SENP2: variants seen among roughly 807,000 people sequenced by gnomAD.
SENP2 encodes SUMO specific peptidase 2.
Under a neutral mutation model 86.3 loss-of-function variants are expected in SENP2, and 16 were observed. The observed-to-expected ratio is 0.19, with a 90% confidence interval of 0.13 to 0.28. SENP2 has a LOEUF of 0.28. SENP2 is among the 10% of genes least tolerant of loss of function. The probability of loss-of-function intolerance (pLI) is 1.00; values close to 1 mark genes in which losing one functional copy is unlikely to be tolerated. For missense variants in SENP2, 552 were observed against 703.0 expected, an observed-to-expected ratio of 0.79 and a Z score of 2.43; for synonymous variants, 222 against 238.7, an observed-to-expected ratio of 0.93 and a Z score of 0.64.
rs398052522 is a variant in SENP2 at position 185,587,570 on chromosome 3, A to ATT, written c.101+1069_101+1070dup. Among the ~76,000 whole-genome samples, 62 of 118,830 alleles carry ATT rather than the reference A, an allele frequency of 5.2e-4. 3 individuals are homozygous for ATT. The highest frequency in any genetic ancestry group is 1.8e-3 in the African/African-American group (58 of 31,732). The allele number at this position is 118,830 out of a possible 152,430, so 78.0% of individuals were successfully genotyped here. On this transcript the variant is annotated intron_variant, in intron 1 of 16. Coordinates refer to ENST00000296257, the MANE Select transcript of SENP2 (RefSeq NM_021627.3). ...CTTCAACTTTAGTGATCAAGTGTTA[A>ATT]TTTTTTTTTTTTTTGAGAAGGAGTC...
chr3:185,604,009 T>C (rs930314198), intron 5 of SENP2, among the ~76,000 whole-genome samples: 3 of 152,092 alleles, frequency 2.0e-5, no homozygotes, highest in Non-Finnish European at 4.4e-5. Flanking sequence ...TAATCCCAGC[T>C]ACTTGAGAGG....
chr3:185,606,768 C>A, intron 6 of SENP2: 1 of 508,656 alleles, frequency 2.0e-6, no homozygotes. Context: ...CTATAGCGGC[C>A]ACGTGTGCTC....
chr3:185,598,372 GTTTATTAC>G (rs1039040702), intron 2 of SENP2, 32 bp from the exon 3 acceptor site: 2 of 1,595,398 alleles, frequency 1.3e-6, no homozygotes, highest in Admixed American at 1.7e-5. Flanking sequence ...TTAGCTGGAA[GTTTATTAC>G]TTTATATTTA....
chr3:185,612,435 T>G, intron 8 of SENP2, 172 bp from the exon 9 acceptor site: 1 of 544,230 alleles, frequency 1.8e-6, no homozygotes. Context: ...AAGATATGTA[T>G]GCATTTTTTT....
intron 15 of SENP2, 66 bp downstream of exon 15, chr3:185,624,148 T>C (rs1308105869): frequency 2.7e-6 from 3 of 1,129,660 alleles, no homozygotes; most frequent in Admixed American, 3.9e-5. Context: ...TATCTAGATT[T>C]GGCTCCCTTC....
chr3:185,632,226 T>G lies in SENP2; in HGVS notation c.*2382T>G, dbSNP rs1367628448. The G allele has an allele frequency of 2.7e-5, 2 of 75,356 alleles. No individual in the cohort carries two copies. The highest frequency in any genetic ancestry group is 5.6e-5 in the Non-Finnish European group (2 of 35,810). The allele number at this position is 75,356 out of a possible 1,614,324, so 4.7% of individuals were successfully genotyped here. A position where few individuals can be genotyped will look rare whatever the true frequency, so the allele number is the denominator to read the frequency against. ...TTAAAGCCAGTGGTTTTTTTTTTGT[T>G]TTTTTTTTTTGTTTTTTTTTTTTTT... On this transcript the variant is annotated 3_prime_UTR_variant, in exon 17 of 17. Coordinates refer to ENST00000296257, the MANE Select transcript of SENP2 (RefSeq NM_021627.3).
At chr3:185,623,826 CAA>C (rs63707460) in intron 14 of SENP2, among the ~76,000 whole-genome samples, 170 bp from the exon 15 acceptor site, 17 of 47,784 alleles carry the variant, frequency 3.6e-4, no homozygotes, top group South Asian at 3.0e-3. Context: ...GACTCTGTCT[CAA>C]AAAAAAAAAA....
chr3:185,624,642 G>A lies in SENP2; in HGVS notation c.1611+560G>A, dbSNP rs139887115. ...TGTAATCCCAGCACTTTGGGAGGCC[G>A]AGGTGGGCAGATCACCTGAGGTCAG... On this transcript the variant is annotated intron_variant, in intron 15 of 16. Transcript: ENST00000296257. Among the ~76,000 whole-genome samples the A allele has an allele frequency of 3.4e-3, 519 of 152,094 alleles. 5 individuals carry two copies. Among genetic ancestry groups the A allele is most frequent in the African/African-American group, 0.012 (490 of 41,500 alleles).
At chr3:185,612,258 TTATTCCTAA>T (rs1290899505) in intron 8 of SENP2, 1 of 190,348 alleles carries the variant, frequency 5.3e-6, no homozygotes, top group Non-Finnish European at 1.1e-5. Flanking sequence ...CTCTGGATTA[TTATTCCTAA>T]GCTGCTAGAT....
chr3:185,600,417 T>C (rs1415951103), intron 4 of SENP2, among the ~76,000 whole-genome samples: 3 of 152,216 alleles, frequency 2.0e-5, no homozygotes, highest in African/African-American at 7.2e-5. Flanking sequence ...CGGCCAAACA[T>C]ACGGCTGGTT....
intron 1 of SENP2, among the ~76,000 whole-genome samples, chr3:185,587,912 AT>A (rs928815191): frequency 1.4e-5 from 2 of 141,822 alleles, no homozygotes; most frequent in African/African-American, 2.6e-5. Flanking sequence ...TATTTTTTGT[AT>A]TTTTTTTAGT....
At chr3:185,590,901 CTTTTTTTTTTTT>C (rs1158491597) in intron 2 of SENP2, among the ~76,000 whole-genome samples, 5 of 94,156 alleles carry the variant, frequency 5.3e-5, no homozygotes, top group Non-Finnish European at 1.0e-4. Flanking sequence ...AGAAAGTCTC[CTTTTTTTTTTTT>C]TTTTTTTTTT....
chr3:185,599,273 TA>T (rs923355803), intron 4 of SENP2, among the ~76,000 whole-genome samples: 21 of 151,322 alleles, frequency 1.4e-4, no homozygotes, highest in African/African-American at 4.9e-4. Flanking sequence ...TTCATTCATT[TA>T]AAAAAAAACA....
chr3:185,614,800 T>A, intron 11 of SENP2, 60 bp downstream of exon 11: 5 of 1,509,100 alleles, frequency 3.3e-6, no homozygotes, highest in Non-Finnish European at 3.6e-6. Context: ...TCAGTTATTC[T>A]AACTTGAATG....
chr3:185,624,465 T>C (rs1206459662), intron 15 of SENP2, among the ~76,000 whole-genome samples: 1 of 152,218 alleles, frequency 6.6e-6, no homozygotes, highest in African/African-American at 2.4e-5. Context: ...ACCCAATACA[T>C]TGAAGTTGGC....
In SENP2 at chr3:185,632,044, C is replaced by T. The variant is rs1417656698; in HGVS notation, c.*2200C>T. The T allele has an allele frequency of 6.6e-6, 1 of 151,744 alleles. No individual in the cohort carries two copies. Among genetic ancestry groups the T allele is most frequent in the Admixed American group, 6.6e-5 (1 of 15,238 alleles). The allele number at this position is 151,744 out of a possible 1,614,324, so 9.4% of individuals were successfully genotyped here. On this transcript the variant is annotated 3_prime_UTR_variant, in exon 17 of 17. Transcript: ENST00000296257. ...TTCCTGAATTGAATGTGGGAGACCACAGGCCATACTTCTCTAGGCACTCAC... is the reference window on the plus strand; with the variant it reads ...TTCCTGAATTGAATGTGGGAGACCATAGGCCATACTTCTCTAGGCACTCAC...
In SENP2 at chr3:185,587,570, A is replaced by ATTTTTTTTTTTTTTTTTTTTTTTTTTTT. The variant is rs398052522; in HGVS notation, c.101+1070_101+1071insTTTTTTTTTTTTTTTTTTTTTTTTTTTT. Among the ~76,000 whole-genome samples the ATTTTTTTTTTTTTTTTTTTTTTTTTTTT allele has an allele frequency of 6.7e-5, 8 of 118,838 alleles. 2 individuals are homozygous for ATTTTTTTTTTTTTTTTTTTTTTTTTTTT. The highest frequency in any genetic ancestry group is 6.8e-4 in the South Asian group (2 of 2,942). The allele number at this position is 118,838 out of a possible 152,430, so 78.0% of individuals were successfully genotyped here. A position where few individuals can be genotyped will look rare whatever the true frequency, so the allele number is the denominator to read the frequency against. On this transcript the variant is annotated intron_variant, in intron 1 of 16. Coordinates refer to ENST00000296257, the MANE Select transcript of SENP2 (RefSeq NM_021627.3). ...CTTCAACTTTAGTGATCAAGTGTTA[A>ATTTTTTTTTTTTTTTTTTTTTTTTTTTT]TTTTTTTTTTTTTTGAGAAGGAGTC...
In SENP2 at chr3:185,598,453, G is replaced by A. The variant is rs1722244266; in HGVS notation, c.199G>A (p.Ala67Thr). Residue 67 changes from alanine to threonine, a missense_variant, in exon 3 of 17, where the codon GCC (alanine) becomes ACC (threonine). By Grantham distance (58) the Ala-to-Thr change is moderately conservative. Coordinates refer to ENST00000296257, the MANE Select transcript of SENP2 (RefSeq NM_021627.3). ...AGTGAAAAACAGTCTCTACAATGCTGCCAGCTTATTTGGATTCCCATTCCA... is the reference window on the plus strand; with the variant it reads ...AGTGAAAAACAGTCTCTACAATGCTACCAGCTTATTTGGATTCCCATTCCA... ...HQVKNSLYNA[A>T]SLFGFPFQLT... The A allele has an allele frequency of 1.9e-6, 3 of 1,614,038 alleles. No homozygotes were observed. The highest frequency in any genetic ancestry group is 1.7e-5 in the Admixed American group (1 of 59,998).
rs1182510759 is a variant in SENP2, at chr3:185,617,601, T to C, written c.1232T>C (p.Leu411Pro). The C allele has an allele frequency of 6.2e-7, 1 of 1,613,196 alleles. No individual in the cohort carries two copies. The highest frequency in any genetic ancestry group is 8.5e-7 in the Non-Finnish European group (1 of 1,179,504). ...DIQTLKNYHWLNDEVINFYMN... is the reference protein window; with the variant it reads ...DIQTLKNYHWPNDEVINFYMN... ...CAGACATTAAAGAACTATCACTGGC[T>C]CAATGATGAAGTAAGTTGTATTCCC... Residue 411 changes from leucine (L) to proline (P), a missense_variant, in exon 12 of 17, where the codon CTC becomes CCC. Physicochemically the swap from Leu to Pro is moderately conservative, Grantham distance 98. Around this residue, in one of 2 missense-constraint regions of SENP2, gnomAD observed 169 missense variants for 275.7 expected, o/e 0.61. Transcript: ENST00000296257.
Sources: gnomAD v4.1 joint callset for allele counts (sites outside exome capture counted in the v4.1 genomes callset) on GRCh38, gnomAD v4.1.1 for gene constraint, gnomAD v4.1.1 regional missense constraint, MANE v1.5 for transcripts, NCBI Gene and HGNC (gene_info 2026-07-23, HGNC 2026-07-21) for gene names.